TOGARAM1: variants seen among roughly 807,000 people sequenced by gnomAD.
TOGARAM1 encodes the protein TOG array regulator of axonemal microtubules 1.
Under a neutral mutation model 166.6 loss-of-function variants are expected in TOGARAM1, and 100 were observed. That is an observed-to-expected ratio of 0.60 (90% CI 0.51 to 0.71). The LOEUF is 0.71. Ranked by LOEUF, TOGARAM1 falls within the 30% of genes least tolerant of loss-of-function variation. The pLI is 0.00. For synonymous variants in TOGARAM1, 758 were observed against 763.8 expected (o/e 0.99, Z 0.13); for missense variants, 2,029 against 2,102.7 (o/e 0.96, Z 0.69).
chr14:45,052,171 A>G (rs1033814835), intron 14 of TOGARAM1, among the ~76,000 whole-genome samples: 3 of 152,194 alleles, frequency 2.0e-5, no homozygotes, highest in Non-Finnish European at 4.4e-5. Flanking sequence ...AATTCAAAGT[A>G]TGGTTTCCAC....
intron 17 of TOGARAM1, among the ~76,000 whole-genome samples, 196 bp downstream of exon 17, chr14:45,066,963 A>G (rs996195258): frequency 2.0e-5 from 3 of 152,202 alleles, no homozygotes; most frequent in African/African-American, 7.2e-5. Context: ...ATCTATGTCA[A>G]ATGAAGTTTA....
chr14:45,046,884 A>T (rs918513407), intron 14 of TOGARAM1, among the ~76,000 whole-genome samples, 181 bp downstream of exon 14: 5 of 152,120 alleles, frequency 3.3e-5, no homozygotes, highest in Admixed American at 1.3e-4. Context: ...TGCACAGTGA[A>T]TTCTCCAAAT....
Position 45,032,128 on chromosome 14 carries a change from C to T in TOGARAM1, c.3659-95C>T, listed in dbSNP as rs116073898. 376 of 1,128,636 alleles carry T rather than the reference C, an allele frequency of 3.3e-4. No individual in the cohort carries two copies. The African/African-American group carries it at 4.7e-3, about 14-fold the overall frequency. The allele number at this position is 1,128,636 out of a possible 1,614,324, so 69.9% of individuals were successfully genotyped here. On this transcript the variant is annotated intron_variant, in intron 10 of 19. Coordinates refer to ENST00000361462, the MANE Select transcript of TOGARAM1 (RefSeq NM_001308120.2). ...TGAGCTAAGATCGTACTACTGCACC[C>T]TAGCCTGGGCAACACAGCGAGACTC...
intron 2 of TOGARAM1, among the ~76,000 whole-genome samples, chr14:44,997,767 A>C (rs1445982624): frequency 6.6e-6 from 1 of 151,244 alleles, no homozygotes; most frequent in Admixed American, 6.6e-5. Flanking sequence ...ACACCACTAC[A>C]CTCCAGTCTG....
intron 14 of TOGARAM1, among the ~76,000 whole-genome samples, chr14:45,049,745 G>A (rs968621109): frequency 4.6e-5 from 7 of 151,694 alleles, no homozygotes; most frequent in African/African-American, 1.5e-4. Flanking sequence ...TACATATCAC[G>A]TTAATGTTCA....
intron 6 of TOGARAM1, among the ~76,000 whole-genome samples, chr14:45,009,685 A>G (rs1276110915): frequency 2.6e-5 from 4 of 152,122 alleles, no homozygotes; most frequent in African/African-American, 7.2e-5. Context: ...TGGCCACCCC[A>G]CATCAATAGA....
At chr14:45,048,980 T>C (rs1311320305) in intron 14 of TOGARAM1, among the ~76,000 whole-genome samples, 1 of 131,968 alleles carries the variant, frequency 7.6e-6, no homozygotes, top group Non-Finnish European at 1.5e-5. Flanking sequence ...GAGGGTTGAC[T>C]CAGGCCAGAA....
At position 45,006,090 on chromosome 14, in the gene TOGARAM1, G is replaced by T; in HGVS notation, c.2727G>T (p.Gly909=). The change falls in exon 5 of 20, where the codon GGG becomes GGT. Residue 909 remains glycine (G), a synonymous_variant. Transcript: ENST00000361462. The part of the protein sequence containing the change: ...RSPSSRRGLN[G]TKPVPPIPRG... ...CATCTTCCCGACGAGGTCTAAATGG[G>T]ACAAAGCCTGTTCCTCCCATACCAA... 1.2e-6 allele frequency: 2 copies of T among 1,613,724 alleles called. No homozygotes were observed. Among genetic ancestry groups the T allele is most frequent in the South Asian group, 1.1e-5 (1 of 91,028 alleles).
intron 1 of TOGARAM1, among the ~76,000 whole-genome samples, chr14:44,977,952 G>C (rs1886305553): frequency 6.6e-6 from 1 of 152,130 alleles, no homozygotes; most frequent in Admixed American, 6.5e-5. Flanking sequence ...GCCTGGCCTA[G>C]CCTTCTTTTT....
chr14:44,982,233 A>G (rs987417865), intron 1 of TOGARAM1, among the ~76,000 whole-genome samples: 3 of 152,070 alleles, frequency 2.0e-5, no homozygotes, highest in Non-Finnish European at 2.9e-5. Context: ...TGTTTAACTT[A>G]TCTCTTACTT....
chr14:44,990,458 G>C (rs2043631361), intron 1 of TOGARAM1, among the ~76,000 whole-genome samples: 1 of 152,194 alleles, frequency 6.6e-6, no homozygotes. Context: ...TGCACTTTCA[G>C]GCCACATGTT....
In TOGARAM1 at chr14:44,969,505, A is replaced by G. The variant is rs1305589590; in HGVS notation, c.2046+5038A>G. On this transcript the variant is annotated intron_variant, in intron 1 of 19. Coordinates refer to ENST00000361462, the MANE Select transcript of TOGARAM1 (RefSeq NM_001308120.2). Reference sequence around the variant, plus strand: ...CTCCCACTTTGTGTCTTGTCTTCTCATTCTCTTGACATTAACTTTCTCAGA... The same window carrying G: ...CTCCCACTTTGTGTCTTGTCTTCTCGTTCTCTTGACATTAACTTTCTCAGA... Among the ~76,000 whole-genome samples, 3 of 152,232 alleles carry G rather than the reference A, an allele frequency of 2.0e-5. No homozygotes were observed. In the East Asian group the frequency reaches 5.8e-4, roughly 29 times the overall value.
At chr14:45,004,930 T>TTC (rs1566626479) in intron 4 of TOGARAM1, among the ~76,000 whole-genome samples, 1 of 151,082 alleles carries the variant, frequency 6.6e-6, no homozygotes. Context: ...ATTTGAAACT[T>TTC]TTTTTTTTTG....
intron 1 of TOGARAM1, among the ~76,000 whole-genome samples, chr14:44,976,723 T>G (rs1027776547): frequency 6.6e-6 from 1 of 152,170 alleles, no homozygotes; most frequent in African/African-American, 2.4e-5. Context: ...GTATAGTCAA[T>G]AAGACCAGCA....
chr14:45,073,643 C>A lies in TOGARAM1; in HGVS notation c.*82C>A. The A allele has an allele frequency of 7.6e-7, 1 of 1,314,814 alleles. No homozygotes were observed. 81.4% of individuals were successfully genotyped at this position (1,314,814 alleles called of 1,614,324 possible). ...CTTTCTAAAAGTTATGTTATCAGTG[C>A]CTGCACTTCACATCCAGCAAATTAA... On this transcript the variant is annotated 3_prime_UTR_variant, in exon 20 of 20. Coordinates refer to ENST00000361462, the MANE Select transcript of TOGARAM1 (RefSeq NM_001308120.2).
intron 16 of TOGARAM1, among the ~76,000 whole-genome samples, chr14:45,054,751 G>A (rs115778832): frequency 0.019 from 2,851 of 152,224 alleles, 33 homozygotes; most frequent in African/African-American, 0.038. Context: ...TATTTGCACT[G>A]GACATTAGCA....
At chr14:45,054,265 A>G (rs1882522709) in intron 15 of TOGARAM1, among the ~76,000 whole-genome samples, 166 bp from the exon 16 acceptor site, 1 of 152,190 alleles carries the variant, frequency 6.6e-6, no homozygotes, top group South Asian at 2.1e-4. Flanking sequence ...TTTACTGCTA[A>G]CTACAAGGTG....
chr14:45,044,614 A>G, intron 12 of TOGARAM1, 21 bp from the exon 13 acceptor site: 1 of 1,529,456 alleles, frequency 6.5e-7, no homozygotes. Context: ...AGCAAAATGT[A>G]CATTTTGAAT....
chr14:45,044,722 G>A lies in TOGARAM1; in HGVS notation c.4006G>A (p.Glu1336Lys), dbSNP rs1460688495. 1 of 1,614,038 alleles carries A rather than the reference G, an allele frequency of 6.2e-7. No homozygotes were observed. The highest frequency in any genetic ancestry group is 1.7e-5 in the Admixed American group (1 of 60,002). ...TTATTTGAAAAAGAGCATGGATCAA[G>A]AGCTAGATACCACAGTAAAAGTTTT... ...FTYLKKSMDQ[E>K]LDTTVKVLLH... Residue 1336 changes from glutamate (E) to lysine (K), a missense_variant, in exon 13 of 20, where the codon GAG (glutamate) becomes AAG (lysine). Glu to Lys is a moderately conservative substitution (Grantham distance 56). Coordinates refer to ENST00000361462, the MANE Select transcript of TOGARAM1 (RefSeq NM_001308120.2).
Sources: allele counts gnomAD v4.1 joint callset (sites outside exome capture counted in the v4.1 genomes callset), GRCh38; gene constraint gnomAD v4.1.1; transcripts MANE v1.5; gene names NCBI Gene and HGNC (gene_info 2026-07-23, HGNC 2026-07-21).